The following WASL variants were observed in gnomAD, a reference collection of about 807,000 sequenced individuals.
WASL encodes the protein actin nucleation-promoting factor WASL.
Under a neutral mutation model 55.5 loss-of-function variants are expected in WASL, and 20 were observed. That is an observed-to-expected ratio of 0.36 (90% CI 0.25 to 0.52). WASL has a LOEUF of 0.52. Among genes scored for constraint, WASL ranks in the 20% least tolerant of loss-of-function variants. The pLI is 0.92. For missense variants in WASL, 504 were observed against 622.5 expected, an observed-to-expected ratio of 0.81 and a Z score of 2.03; for synonymous variants, 249 against 217.6, an observed-to-expected ratio of 1.14 and a Z score of -1.27.
chr7:123,696,249 T>C (rs1349823936), intron 6 of WASL, among the ~76,000 whole-genome samples: 1 of 152,008 alleles, frequency 6.6e-6, no homozygotes. Context: ...CCCTAGGCAG[T>C]ATCTGTAAAC....
intron 1 of WASL, among the ~76,000 whole-genome samples, chr7:123,729,899 A>C (rs1414247732): frequency 1.3e-5 from 2 of 152,178 alleles, no homozygotes; most frequent in Non-Finnish European, 2.9e-5. Flanking sequence ...GCATGAAACA[A>C]GGCTCAAAAA....
chr7:123,741,639 T>A (rs139616655), intron 1 of WASL, among the ~76,000 whole-genome samples: 1 of 152,222 alleles, frequency 6.6e-6, no homozygotes, highest in African/African-American at 2.4e-5. Flanking sequence ...GCTACCATTA[T>A]ACTTCCATTA....
At chr7:123,742,328 T>C (rs1306469960) in intron 1 of WASL, among the ~76,000 whole-genome samples, 1 of 152,178 alleles carries the variant, frequency 6.6e-6, no homozygotes, top group Non-Finnish European at 1.5e-5. Flanking sequence ...AATTCACTAA[T>C]ATAATAAGCC....
At chr7:123,730,152 AT>A (rs1804113972) in intron 1 of WASL, among the ~76,000 whole-genome samples, 1 of 152,200 alleles carries the variant, frequency 6.6e-6, no homozygotes. Context: ...AAGAGAAATA[AT>A]TTTTCAACTG....
chr7:123,719,820 A>AAAAAG (rs1251987518), intron 1 of WASL, among the ~76,000 whole-genome samples: 1 of 152,122 alleles, frequency 6.6e-6, no homozygotes, highest in Non-Finnish European at 1.5e-5. Flanking sequence ...CTGTCTTGGT[A>AAAAAG]AATTCTTTTT....
intron 1 of WASL, among the ~76,000 whole-genome samples, chr7:123,722,447 T>A (rs892655869): frequency 1.3e-5 from 2 of 152,220 alleles, no homozygotes; most frequent in Non-Finnish European, 2.9e-5. Flanking sequence ...TTATTTATTA[T>A]CTTAATCATC....
intron 1 of WASL, among the ~76,000 whole-genome samples, chr7:123,711,326 A>C (rs1021347520): frequency 1.3e-5 from 2 of 152,222 alleles, no homozygotes; most frequent in Non-Finnish European, 2.9e-5. Context: ...ACCTTTAGAT[A>C]AACTTAAATT....
intron 1 of WASL, among the ~76,000 whole-genome samples, chr7:123,720,113 A>G (rs1397860648): frequency 1.3e-5 from 2 of 152,214 alleles, no homozygotes; most frequent in Admixed American, 6.5e-5. Context: ...AGTTTATCAT[A>G]TAAGAATTAA....
intron 3 of WASL, 42 bp downstream of exon 3, chr7:123,706,698 A>T (rs1803677501): frequency 1.5e-6 from 2 of 1,343,224 alleles, no homozygotes; most frequent in African/African-American, 3.0e-5. Context: ...AAGGCAAGCA[A>T]TGAAAAAAGT....
Position 123,692,262 on chromosome 7 carries a change from C to T in WASL, c.1347+85G>A. 2.0e-6 allele frequency: 3 copies of T among 1,491,598 alleles called. No homozygotes were observed. The South Asian group carries it at 3.8e-5, about 19-fold the overall frequency. 92.4% of individuals were successfully genotyped at this position (1,491,598 alleles called of 1,614,324 possible). A position where few individuals can be genotyped will look rare whatever the true frequency, so the allele number is the denominator to read the frequency against. ...ATTAGCAAGAGGAAAAAAGAATACA[C>T]TTTTCAAAAATATCTTTCAATAAAT... On this transcript the variant is annotated intron_variant, in intron 9 of 10. Transcript: ENST00000223023.
At chr7:123,695,607 G>A (rs184426307) in intron 7 of WASL, among the ~76,000 whole-genome samples, 50 of 152,062 alleles carry the variant, frequency 3.3e-4, no homozygotes, top group Non-Finnish European at 5.4e-4. Context: ...AGTGTATAAA[G>A]CCAAGGTACA....
chr7:123,748,840 C>G lies in WASL; in HGVS notation c.-106G>C, dbSNP rs892390305. The stretch of plus-strand genomic sequence containing the variant: ...GGGCGGGGAGAAGTGGAGTCAGAGG[C>G]GCCACATCTCGCAGCTCCTCCGGAG... On this transcript the variant is annotated 5_prime_UTR_variant, in exon 1 of 11. Transcript: ENST00000223023. The G allele has an allele frequency of 3.4e-6, 3 of 892,954 alleles. No homozygotes were observed. Among genetic ancestry groups the G allele is most frequent in the African/African-American group, 3.5e-5 (2 of 56,860 alleles). The allele number at this position is 892,954 out of a possible 1,614,324, so 55.3% of individuals were successfully genotyped here.
At chr7:123,692,948 G>T in intron 8 of WASL, 81 bp from the exon 9 acceptor site, 1 of 1,306,894 alleles carries the variant, frequency 7.7e-7, no homozygotes, top group Non-Finnish European at 9.7e-7. Flanking sequence ...ATTTTAACAT[G>T]TATAAAAATT....
intron 4 of WASL, among the ~76,000 whole-genome samples, chr7:123,705,684 A>G (rs1803657332): frequency 1.3e-5 from 2 of 152,272 alleles, no homozygotes; most frequent in Non-Finnish European, 1.5e-5. Flanking sequence ...AAAGCTTTAT[A>G]CTATCCTGCA....
chr7:123,718,195 C>T (rs963163212), intron 1 of WASL, among the ~76,000 whole-genome samples: 1 of 152,048 alleles, frequency 6.6e-6, no homozygotes, highest in Non-Finnish European at 1.5e-5. Context: ...TTTTCTCACA[C>T]CAAATAAACA....
At chr7:123,689,204 TGTCTCCAGAAA>T (rs1373714125) in intron 9 of WASL, 54 bp from the exon 10 acceptor site, 13 of 1,470,412 alleles carry the variant, frequency 8.8e-6, no homozygotes, top group Non-Finnish European at 1.2e-5. Flanking sequence ...CAAGAATCTT[TGTCTCCAGAAA>T]GTCCTACTTT....
rs900527991 is a variant in WASL, at chr7:123,683,507, T to C, written c.*1012A>G. ...CTCAAAAGTTATCCAAATCAATGCA[T>C]GTTCGGTTCCGTGTTTTAGCGCACA... is the stretch of plus-strand genomic sequence containing the variant. On this transcript the variant is annotated 3_prime_UTR_variant, in exon 11 of 11. Coordinates refer to ENST00000223023, the MANE Select transcript of WASL (RefSeq NM_003941.4). 1.3e-5 allele frequency: 2 copies of C among 152,048 alleles called. No individual in the cohort carries two copies. The highest frequency in any genetic ancestry group is 4.8e-5 in the African/African-American group (2 of 41,432). The allele number at this position is 152,048 out of a possible 1,614,324, so 9.4% of individuals were successfully genotyped here.
chr7:123,726,247 A>C (rs1272847773), intron 1 of WASL, among the ~76,000 whole-genome samples: 1 of 152,224 alleles, frequency 6.6e-6, no homozygotes, highest in Non-Finnish European at 1.5e-5. Context: ...CAATTCAATG[A>C]CAAAAGATAA....
chr7:123,704,511 CAT>C, intron 5 of WASL, 121 bp downstream of exon 5: 2 of 714,030 alleles, frequency 2.8e-6, no homozygotes, highest in South Asian at 4.0e-5. Flanking sequence ...ATGTATGGTA[CAT>C]GTTTCCACAA....
Sources: gnomAD v4.1 joint callset for allele counts (sites outside exome capture counted in the v4.1 genomes callset) on GRCh38, gnomAD v4.1.1 for gene constraint, MANE v1.5 for transcripts, NCBI Gene and HGNC (gene_info 2026-07-23, HGNC 2026-07-21) for gene names.